Variants in COPS8 observed in about 807,000 individuals in gnomAD.
The protein encoded by COPS8 is COP9 signalosome subunit 8.
In COPS8, 11 loss-of-function variants were observed where a neutral mutation model predicts 31.5. The ratio of observed to expected loss-of-function variants is 0.35; its 90% CI spans 0.22 to 0.58. The LOEUF (loss-of-function observed/expected upper bound fraction) is 0.58. Among genes scored for constraint, COPS8 ranks in the 20% least tolerant of loss-of-function variants. The pLI is 0.83. For synonymous variants in COPS8, 81 were observed against 89.3 expected (o/e 0.91, Z 0.52); for missense variants, 215 against 255.1 (o/e 0.84, Z 1.07).
In COPS8 at chr2:237,096,545, C is replaced by T. The variant is rs534736856; in HGVS notation, c.503-277C>T. ...CAGCCCAAATTTCCTTCCACCTACT[C>T]GGAATGCCTATGTTTAGACATTGCT... is the stretch of plus-strand genomic sequence containing the variant. On this transcript the variant is annotated intron_variant, in intron 6 of 7. Transcript: ENST00000354371. 9.7e-5 allele frequency: 43 copies of T among 442,366 alleles called. No individual in the cohort carries two copies. The East Asian group carries it at 1.5e-3, about 16-fold the overall frequency. The allele number at this position is 442,366 out of a possible 1,614,324, so 27.4% of individuals were successfully genotyped here. A position where few individuals can be genotyped will look rare whatever the true frequency, so the allele number is the denominator to read the frequency against.
chr2:237,090,674 A>G (rs932329009), intron 4 of COPS8, among the ~76,000 whole-genome samples: 2 of 152,216 alleles, frequency 1.3e-5, no homozygotes, highest in Admixed American at 1.3e-4. Context: ...GTCAGTGAGC[A>G]GGAATTTTTT....
intron 4 of COPS8, among the ~76,000 whole-genome samples, chr2:237,090,352 T>C (rs1214907693): frequency 6.6e-6 from 1 of 152,212 alleles, no homozygotes; most frequent in African/African-American, 2.4e-5. Context: ...AGCCTCAGCC[T>C]TTGATAGGTG....
chr2:237,097,224 CTTTTTTTTTTT>C lies in COPS8; in HGVS notation c.550+365_550+375del, dbSNP rs996251270. Among the ~76,000 whole-genome samples, 3 of 95,986 alleles carry C rather than the reference CTTTTTTTTTTT, an allele frequency of 3.1e-5. No homozygotes were observed. In the East Asian group the frequency reaches 9.2e-4, roughly 29 times the overall value. 63.0% of individuals were successfully genotyped at this position (95,986 alleles called of 152,430 possible). ...TTCCTTGAGGTTCTTTGTGGGTTTT[CTTTTTTTTTTT>C]TTTTTTTTTGGTTTGTTGACAATTT... On this transcript the variant is annotated intron_variant, in intron 7 of 7. Coordinates refer to ENST00000354371, the MANE Select transcript of COPS8 (RefSeq NM_006710.5).
At chr2:237,088,554 AGAT>A (rs746337967) in intron 2 of COPS8, 48 bp from the exon 3 acceptor site, 3 of 1,348,976 alleles carry the variant, frequency 2.2e-6, no homozygotes, top group Non-Finnish European at 3.1e-6. Context: ...ACATTTCCTG[AGAT>A]GATTATGTTT....
Position 237,094,189 on chromosome 2 carries a change from C to T in COPS8, c.431C>T (p.Ala144Val). 6.2e-6 allele frequency: 10 copies of T among 1,613,042 alleles called. No homozygotes were observed. In the South Asian group the frequency reaches 9.9e-5, roughly 16 times the overall value. ...AAFVGLPVEE[A>V]VKGILEQGWQ... is the part of the protein sequence containing the mutation. The stretch of plus-strand genomic sequence containing the variant: ...TTTGTTGGACTTCCTGTAGAAGAGG[C>T]TGTGAAAGGTAATTTTGGCTTACTT... Residue 144 changes from alanine to valine, a missense_variant, in exon 5 of 8, where the codon GCT (alanine) becomes GTT (valine). By Grantham distance (64) the Ala-to-Val change is moderately conservative. Transcript: ENST00000354371.
chr2:237,097,453 A>G (rs1212512728), intron 7 of COPS8, among the ~76,000 whole-genome samples: 1 of 152,196 alleles, frequency 6.6e-6, no homozygotes, highest in Non-Finnish European at 1.5e-5. Flanking sequence ...CAGTTAGGTA[A>G]AACCATACTC....
intron 3 of COPS8, 91 bp downstream of exon 3, chr2:237,088,744 G>T (rs570579005): frequency 1.4e-5 from 11 of 768,594 alleles, no homozygotes; most frequent in Admixed American, 1.4e-4. Flanking sequence ...TCTATCTGAC[G>T]TCCTAGTAAT....
intron 2 of COPS8, chr2:237,087,495 A>C (rs756176561): frequency 2.6e-6 from 1 of 385,112 alleles, no homozygotes; most frequent in South Asian, 2.6e-5. Context: ...ACTTAACTTC[A>C]TATATAATCA....
intron 5 of COPS8, among the ~76,000 whole-genome samples, chr2:237,095,569 T>C (rs1292167690): frequency 6.6e-6 from 1 of 152,228 alleles, no homozygotes; most frequent in Non-Finnish European, 1.5e-5. Flanking sequence ...TAATATATTC[T>C]TGACAGAAAA....
intron 7 of COPS8, among the ~76,000 whole-genome samples, 154 bp from the exon 8 acceptor site, chr2:237,097,509 C>T (rs189050402): frequency 6.6e-6 from 1 of 152,192 alleles, no homozygotes; most frequent in Admixed American, 6.5e-5. Context: ...ATGTCCAAGC[C>T]TCTATGATGT....
At chr2:237,086,653 T>C (rs1696620187) in intron 1 of COPS8, 1 of 224,026 alleles carries the variant, frequency 4.5e-6, no homozygotes. Context: ...TAATAGATAA[T>C]AGATACTTTC....
intron 1 of COPS8, chr2:237,086,752 G>A (rs991471561): frequency 1.0e-6 from 1 of 981,610 alleles, no homozygotes; most frequent in African/African-American, 1.7e-5. Flanking sequence ...GTAATGGGCA[G>A]AATCAGAATG....
At chr2:237,092,044 T>C (rs566405223) in intron 4 of COPS8, among the ~76,000 whole-genome samples, 1 of 152,364 alleles carries the variant, frequency 6.6e-6, no homozygotes, top group South Asian at 2.1e-4. Context: ...CCCTTCTGTC[T>C]CCAGCACTGG....
At chr2:237,087,471 T>C (rs1178615060) in intron 2 of COPS8, 8 of 454,928 alleles carry the variant, frequency 1.8e-5, no homozygotes, top group Middle Eastern at 3.2e-4. Flanking sequence ...AAGAAACTTT[T>C]ATGACCTCTA....
At position 237,097,785 on chromosome 2, in the gene COPS8, A is replaced by T; in HGVS notation, c.*43A>T. 1 of 1,398,482 alleles carries T rather than the reference A, an allele frequency of 7.2e-7. No homozygotes were observed. The allele number at this position is 1,398,482 out of a possible 1,614,324, so 86.6% of individuals were successfully genotyped here. A position where few individuals can be genotyped will look rare whatever the true frequency, so the allele number is the denominator to read the frequency against. ...AAGATTCATCTTCAGAATCCTGTAT[A>T]CTGACAAACGTAGAAATGTAAAGTT... On this transcript the variant is annotated 3_prime_UTR_variant, in exon 8 of 8. Coordinates refer to ENST00000354371, the MANE Select transcript of COPS8 (RefSeq NM_006710.5).
rs73999619 is a variant in COPS8, at chr2:237,094,206, G to A, written c.439+9G>A. The A allele has an allele frequency of 1.3e-4, 203 of 1,611,772 alleles. No homozygotes were observed. In the African/African-American group the frequency reaches 2.5e-3, roughly 20 times the overall value. ...AGAAGAGGCTGTGAAAGGTAATTTT[G>A]GCTTACTTTTTACTTATAAGGAAAA... is the stretch of plus-strand genomic sequence containing the variant. On this transcript the variant is annotated intron_variant, in intron 5 of 7. Coordinates refer to ENST00000354371, the MANE Select transcript of COPS8 (RefSeq NM_006710.5).
At position 237,088,597 on chromosome 2, in the gene COPS8, T is replaced by C; in HGVS notation, c.150-8T>C. ...TTGATTATTCTTCTTTGTGGTGGCG[T>C]AAATTAGGAATAATGCAAGATATCT... On this transcript the variant is annotated splice_polypyrimidine_tract_variant and splice_region_variant and intron_variant, in intron 2 of 7. Coordinates refer to ENST00000354371, the MANE Select transcript of COPS8 (RefSeq NM_006710.5). 2 of 1,586,378 alleles carry C rather than the reference T, an allele frequency of 1.3e-6. No individual in the cohort carries two copies. Among genetic ancestry groups the C allele is most frequent in the Non-Finnish European group, 1.7e-6 (2 of 1,161,096 alleles).
intron 3 of COPS8, among the ~76,000 whole-genome samples, chr2:237,089,652 T>C (rs1202458903): frequency 1.3e-5 from 2 of 152,232 alleles, no homozygotes; most frequent in Non-Finnish European, 2.9e-5. Flanking sequence ...GCCCTACAGA[T>C]AAATTTTACC....
chr2:237,097,224 C>CTTTTTTTTTTTTTTT (rs996251270), intron 7 of COPS8, among the ~76,000 whole-genome samples: 7 of 95,984 alleles, frequency 7.3e-5, no homozygotes, highest in Non-Finnish European at 1.1e-4. Flanking sequence ...TGTGGGTTTT[C>CTTTTTTTTTTTTTTT]TTTTTTTTTT....
Sources: allele counts gnomAD v4.1 joint callset (sites outside exome capture counted in the v4.1 genomes callset), GRCh38; gene constraint gnomAD v4.1.1; transcripts MANE v1.5; gene names NCBI Gene and HGNC (gene_info 2026-07-23, HGNC 2026-07-21).